The following HSPA12A variants were observed in gnomAD, a reference collection of about 807,000 sequenced individuals.
HSPA12A encodes heat shock 70 kDa protein 12A.
In HSPA12A, 28 loss-of-function variants were observed where a neutral mutation model predicts 69.2. The observed-to-expected ratio is 0.40, with a 90% CI of 0.30 to 0.55. The LOEUF (loss-of-function observed/expected upper bound fraction) is 0.55, where lower values mean the gene tolerates loss of function less well. Ranked by LOEUF, HSPA12A falls within the 20% of genes least tolerant of loss-of-function variation. The pLI, the probability that HSPA12A is intolerant of heterozygous loss-of-function variation, is 0.38. For synonymous variants in HSPA12A, 345 were observed against 370.5 expected (o/e 0.93, Z 0.79); for missense variants, 686 against 900.7 (o/e 0.76, Z 3.05).
chr10:116,698,581 G>T lies in HSPA12A; in HGVS notation c.546+54C>A, dbSNP rs1478765889. 7 of 1,418,110 alleles carry T rather than the reference G, an allele frequency of 4.9e-6. No homozygotes were observed. In the African/African-American group the frequency reaches 8.4e-5, roughly 17 times the overall value. The allele number at this position is 1,418,110 out of a possible 1,614,324, so 87.8% of individuals were successfully genotyped here. On this transcript the variant is annotated intron_variant, in intron 5 of 11. Coordinates refer to ENST00000369209, the MANE Select transcript of HSPA12A (RefSeq NM_025015.3). ...TGCAGCAGCCCGAGACACGGAGCTG[G>T]CACGGGTGCCACCGCCTAGCACACA...
chr10:116,727,977 T>C (rs1358537276), intron 1 of HSPA12A, among the ~76,000 whole-genome samples: 1 of 151,950 alleles, frequency 6.6e-6, no homozygotes, highest in African/African-American at 2.4e-5. Context: ...ACCCAGCTAA[T>C]TTTTCTATTT....
chr10:116,847,781 G>A (rs774996197), intron 1 of HSPA12A, among the ~76,000 whole-genome samples: 6 of 152,294 alleles, frequency 3.9e-5, no homozygotes, highest in Admixed American at 2.0e-4. Context: ...GAGGCAAATG[G>A]GTTATAGGGT....
chr10:116,711,410 T>C (rs1156394363), intron 1 of HSPA12A, among the ~76,000 whole-genome samples: 1 of 152,192 alleles, frequency 6.6e-6, no homozygotes, highest in Non-Finnish European at 1.5e-5. Context: ...CAGACCCTTC[T>C]GTGGAGGTAG....
At chr10:116,806,453 C>A (rs1325243656) in intron 2 of HSPA12A, among the ~76,000 whole-genome samples, 1 of 152,124 alleles carries the variant, frequency 6.6e-6, no homozygotes, top group Non-Finnish European at 1.5e-5. Context: ...GCAGTCTACC[C>A]ACCTCGGCCT....
intron 1 of HSPA12A, among the ~76,000 whole-genome samples, chr10:116,836,769 ACAC>A: frequency 2.1e-5 from 1 of 46,812 alleles, no homozygotes; most frequent in Non-Finnish European, 4.1e-5. Flanking sequence ...AACGAACCGA[ACAC>A]ACACACACAC....
At chr10:116,802,774 A>G (rs556644171) in intron 2 of HSPA12A, among the ~76,000 whole-genome samples, 1 of 152,332 alleles carries the variant, frequency 6.6e-6, no homozygotes, top group African/African-American at 2.4e-5. Flanking sequence ...GCCTTCCCAC[A>G]GGAGGGACAT....
intron 1 of HSPA12A, among the ~76,000 whole-genome samples, chr10:116,716,340 G>C (rs1162580023): frequency 6.6e-6 from 1 of 152,048 alleles, no homozygotes; most frequent in Non-Finnish European, 1.5e-5. Flanking sequence ...GCATCTTCCT[G>C]TGGTTCTCAC....
chr10:116,774,104 G>A (rs1181418110), intron 2 of HSPA12A, among the ~76,000 whole-genome samples: 1 of 151,704 alleles, frequency 6.6e-6, no homozygotes, highest in African/African-American at 2.4e-5. Flanking sequence ...CCGCCTCCCG[G>A]GTTCACGCCA....
chr10:116,804,112 T>C (rs1417051599), intron 2 of HSPA12A, among the ~76,000 whole-genome samples: 1 of 152,194 alleles, frequency 6.6e-6, no homozygotes, highest in Non-Finnish European at 1.5e-5. Flanking sequence ...TTATAGCCTT[T>C]GCTTCCCTCC....
intron 2 of HSPA12A, among the ~76,000 whole-genome samples, chr10:116,800,176 G>T (rs1844924631): frequency 6.6e-6 from 1 of 152,196 alleles, no homozygotes; most frequent in African/African-American, 2.4e-5. Flanking sequence ...GAAAGCTATG[G>T]ATGGCTCTAG....
At position 116,723,763 on chromosome 10, in the gene HSPA12A, G is replaced by A. The variant is rs1270675525; in HGVS notation, c.41-16478C>T. ...AGCCTCAGGTGGGACCAGCAGCCCT[G>A]CTCCTGCAGTCAGCCTCTCCACCCG... On this transcript the variant is annotated intron_variant, in intron 1 of 11. Transcript: ENST00000369209. This position sits in a 1 kb window ranked among gnomAD's most constrained non-coding sequence, Gnocchi z 4.1. Among the ~76,000 whole-genome samples the A allele has an allele frequency of 2.0e-5, 3 of 152,198 alleles. No individual in the cohort carries two copies. Among genetic ancestry groups the A allele is most frequent in the Non-Finnish European group, 4.4e-5 (3 of 68,030 alleles).
intron 2 of HSPA12A, chr10:116,831,067 T>C (rs1303641839): frequency 6.6e-6 from 1 of 152,308 alleles, no homozygotes; most frequent in Non-Finnish European, 1.5e-5. Flanking sequence ...AACATATCCC[T>C]GTCATAAAGC....
At chr10:116,731,637 T>C (rs1328372161) in intron 1 of HSPA12A, among the ~76,000 whole-genome samples, 2 of 152,234 alleles carry the variant, frequency 1.3e-5, no homozygotes, top group Admixed American at 6.5e-5. Context: ...GTAGTCTCTT[T>C]CTTCTCCATT....
chr10:116,712,400 C>G (rs1171690081), intron 1 of HSPA12A, among the ~76,000 whole-genome samples: 1 of 152,144 alleles, frequency 6.6e-6, no homozygotes, highest in Non-Finnish European at 1.5e-5. Flanking sequence ...AAGTCTCCTG[C>G]CCCAGGATTT....
chr10:116,746,762 G>A (rs146717434), upstream of HSPA12A, among the ~76,000 whole-genome samples: 4 of 152,290 alleles, frequency 2.6e-5, no homozygotes, highest in African/African-American at 9.6e-5. Flanking sequence ...ATCCAGGCAA[G>A]ATTTTCTTGG....
chr10:116,751,978 A>G (rs1417581323), intron 2 of HSPA12A, among the ~76,000 whole-genome samples: 1 of 152,222 alleles, frequency 6.6e-6, no homozygotes, highest in Non-Finnish European at 1.5e-5. Context: ...AGCCTGCAGC[A>G]CCGTGAGCCA....
rs570297331 is a variant in HSPA12A at position 116,732,023 on chromosome 10, C to T, written c.40+10407G>A. On this transcript the variant is annotated intron_variant, in intron 1 of 11. Transcript: ENST00000369209. ...GCAGAGAGGAGGGGTGGGTGACATG[C>T]AGAGCAAAGCAGAAGTAAGAGACAG... is the stretch of plus-strand genomic sequence containing the variant. Among the ~76,000 whole-genome samples, 4 of 152,134 alleles carry T rather than the reference C, an allele frequency of 2.6e-5. No individual in the cohort carries two copies. The South Asian group carries it at 8.3e-4, about 32-fold the overall frequency.
In HSPA12A at chr10:116,742,541, T is replaced by TGC. The variant is rs1851548635; in HGVS notation, c.-73_-72insGC. ...GTGCCCGTGCGGGTCTCTGTCCGCG[T>TGC]CCGCGGCGGCGCTCGGGCCGTGTCT... On this transcript the variant is annotated 5_prime_UTR_variant, in exon 1 of 12. Coordinates refer to ENST00000369209, the MANE Select transcript of HSPA12A (RefSeq NM_025015.3). The TGC allele has an allele frequency of 2.5e-6, 3 of 1,186,528 alleles. No homozygotes were observed. In the East Asian group the frequency reaches 1.1e-4, roughly 45 times the overall value. The allele number at this position is 1,186,528 out of a possible 1,614,324, so 73.5% of individuals were successfully genotyped here. A position where few individuals can be genotyped will look rare whatever the true frequency, so the allele number is the denominator to read the frequency against.
upstream of HSPA12A, chr10:116,849,843 C>T: frequency 5.6e-6 from 7 of 1,259,250 alleles, no homozygotes; most frequent in Admixed American, 2.4e-5. Flanking sequence ...TGCCAGCCGC[C>T]CGGGCCCTGG....
Sources: allele counts gnomAD v4.1 joint callset (sites outside exome capture counted in the v4.1 genomes callset), GRCh38; gene constraint gnomAD v4.1.1; non-coding constraint Gnocchi (gnomAD v3.1); transcripts MANE v1.5; gene names NCBI Gene and HGNC (gene_info 2026-07-23, HGNC 2026-07-21).